NUP42: variants seen among roughly 807,000 people sequenced by gnomAD.
NUP42 encodes nucleoporin 42.
Under a neutral mutation model 35.9 loss-of-function variants are expected in NUP42, and 47 were observed. The observed-to-expected ratio is 1.31, with a 90% CI of 1.04 to 1.67. NUP42 has a LOEUF of 1.67. NUP42 is among the 40% of genes most tolerant of loss of function. NUP42 has a pLI of 0.00. For synonymous variants in NUP42, 173 were observed against 173.3 expected, an observed-to-expected ratio of 1.00 and a Z score of 0.01; for missense variants, 514 against 492.2, an observed-to-expected ratio of 1.04 and a Z score of -0.42.
At chr7:23,193,129 A>G (rs1427646345) in intron 3 of NUP42, among the ~76,000 whole-genome samples, 1 of 152,112 alleles carries the variant, frequency 6.6e-6, no homozygotes, top group Non-Finnish European at 1.5e-5. Context: ...CGCTGGCTTC[A>G]GGAGTGAGGC....
At chr7:23,197,360 T>TGAG in intron 5 of NUP42, 6 of 466,606 alleles carry the variant, frequency 1.3e-5, no homozygotes, top group Non-Finnish European at 2.3e-5. Flanking sequence ...AGATGGTTTC[T>TGAG]ACTCTGTATA....
intron 3 of NUP42, chr7:23,188,068 C>T (rs888146102): frequency 1.2e-5 from 18 of 1,444,676 alleles, no homozygotes; most frequent in Admixed American, 7.9e-5. Flanking sequence ...CCTAGACCAC[C>T]GGGCTTTCCC....
chr7:23,182,967 G>A (rs1189419966), intron 1 of NUP42, among the ~76,000 whole-genome samples: 1 of 151,712 alleles, frequency 6.6e-6, no homozygotes, highest in Admixed American at 6.6e-5. Context: ...AACCTATAGA[G>A]CCATACCGCA....
chr7:23,188,412 T>C lies in NUP42; in HGVS notation c.445+1266T>C, dbSNP rs1044165621. On this transcript the variant is annotated intron_variant, in intron 3 of 6. Coordinates refer to ENST00000258742, the MANE Select transcript of NUP42 (RefSeq NM_007342.3). ...ACTAAGATAATTTCAGATAATGATATTTTCTATAAAGAAACCACAAAGTAT... is the reference window on the plus strand; with the variant it reads ...ACTAAGATAATTTCAGATAATGATACTTTCTATAAAGAAACCACAAAGTAT... 14 of 984,846 alleles carry C rather than the reference T, an allele frequency of 1.4e-5. No individual in the cohort carries two copies. The Admixed American group carries it at 6.1e-4, about 43-fold the overall frequency. 61.0% of individuals were successfully genotyped at this position (984,846 alleles called of 1,614,324 possible).
chr7:23,182,579 G>C, intron 1 of NUP42: 1 of 890,830 alleles, frequency 1.1e-6, no homozygotes, highest in Non-Finnish European at 1.4e-6. Context: ...CTTCATTTTG[G>C]AGAAGTCGTG....
Position 23,200,878 on chromosome 7 carries a change from AT to A in NUP42, c.*140del. ...TCCATCAATAGTGATTTTAAATTTG[AT>A]TTTTTTCTTAACTCTAAATATTTAA... On this transcript the variant is annotated 3_prime_UTR_variant, in exon 7 of 7. Coordinates refer to ENST00000258742, the MANE Select transcript of NUP42 (RefSeq NM_007342.3). The A allele has an allele frequency of 1.2e-5, 6 of 494,858 alleles. No individual in the cohort carries two copies. Among genetic ancestry groups the A allele is most frequent in the Non-Finnish European group, 1.6e-5 (5 of 313,220 alleles). 30.7% of individuals were successfully genotyped at this position (494,858 alleles called of 1,614,324 possible). A position where few individuals can be genotyped will look rare whatever the true frequency, so the allele number is the denominator to read the frequency against.
intron 3 of NUP42, among the ~76,000 whole-genome samples, chr7:23,191,794 TG>T (rs1785801798): frequency 5.3e-5 from 8 of 151,940 alleles, no homozygotes; most frequent in Admixed American, 5.2e-4. Flanking sequence ...GAGACCAACC[TG>T]GGCAACTTGG....
intron 3 of NUP42, among the ~76,000 whole-genome samples, chr7:23,193,607 C>T (rs934027035): frequency 6.6e-6 from 1 of 152,200 alleles, no homozygotes; most frequent in African/African-American, 2.4e-5. Context: ...ATTTACAATC[C>T]CCTAGCTAGA....
intron 3 of NUP42, among the ~76,000 whole-genome samples, chr7:23,189,380 T>G (rs1785711603): frequency 2.0e-5 from 3 of 152,144 alleles, no homozygotes; most frequent in Admixed American, 2.0e-4. Flanking sequence ...TTTGGGAGGC[T>G]GCGGTGGGAG....
chr7:23,193,513 G>A (rs774382749), intron 3 of NUP42, among the ~76,000 whole-genome samples: 1 of 152,062 alleles, frequency 6.6e-6, no homozygotes, highest in Non-Finnish European at 1.5e-5. Context: ...GTTGATTGGT[G>A]TATTTACAAA....
chr7:23,188,010 T>TA lies in NUP42; in HGVS notation c.445+864_445+865insA, dbSNP rs1226437077. 16 of 1,051,124 alleles carry TA rather than the reference T, an allele frequency of 1.5e-5. No homozygotes were observed. The African/African-American group carries it at 2.6e-4, about 17-fold the overall frequency. 65.1% of individuals were successfully genotyped at this position (1,051,124 alleles called of 1,614,324 possible). A position where few individuals can be genotyped will look rare whatever the true frequency, so the allele number is the denominator to read the frequency against. ...TCTCTCTCTTTTTTTATTTTTTATT[T>TA]TTATTTTTTTTTTTGTCCATAGTCC... On this transcript the variant is annotated intron_variant, in intron 3 of 6. Coordinates refer to ENST00000258742, the MANE Select transcript of NUP42 (RefSeq NM_007342.3).
At chr7:23,197,817 C>CT (rs1201154855) in intron 5 of NUP42, among the ~76,000 whole-genome samples, 1 of 151,422 alleles carries the variant, frequency 6.6e-6, no homozygotes, top group African/African-American at 2.4e-5. Context: ...GAATATTACA[C>CT]TGAGGGAGAG....
Position 23,200,647 on chromosome 7 carries a change from A to T in NUP42, c.1174A>T (p.Lys392Ter), listed in dbSNP as rs935634918. 10 of 1,613,750 alleles carry T rather than the reference A, an allele frequency of 6.2e-6. No homozygotes were observed. In the Admixed American group the frequency reaches 1.7e-4, roughly 27 times the overall value. Residue 392 changes from lysine (K) to a stop codon, truncating the protein, a stop_gained, in exon 7 of 7, where the codon AAA becomes TAA. Transcript: ENST00000258742. LOFTEE classifies it high-confidence loss of function. ...TDNVLFTPRD[K>*]LTVEELEQFQ... ...TAATGTGTTATTCACACCCAGAGAT[A>T]AACTAACAGTAGAAGAACTGGAACA...
chr7:23,185,306 A>G lies in NUP42; in HGVS notation c.350+8A>G. On this transcript the variant is annotated splice_region_variant and intron_variant, in intron 2 of 6. Coordinates refer to ENST00000258742, the MANE Select transcript of NUP42 (RefSeq NM_007342.3). ...AGATGAAAAGAAACTTCTGTAAGTG[A>G]AAGTTTTCAGGAAAATTACTATCCA... 6.3e-7 allele frequency: 1 copy of G among 1,587,590 alleles called. No homozygotes were observed. Among genetic ancestry groups the G allele is most frequent in the East Asian group, 2.2e-5 (1 of 44,600 alleles).
chr7:23,182,055 G>A lies in NUP42; in HGVS notation c.-31G>A. 1.2e-6 allele frequency: 2 copies of A among 1,611,966 alleles called. No homozygotes were observed. The highest frequency in any genetic ancestry group is 1.3e-5 in the African/African-American group (1 of 75,054). On this transcript the variant is annotated 5_prime_UTR_variant, in exon 1 of 7. Coordinates refer to ENST00000258742, the MANE Select transcript of NUP42 (RefSeq NM_007342.3). ...TAACAGGCATCGAACGGTGCAGACT[G>A]AAGACGCCCTCCGTCAGCGACGCCG... is the stretch of plus-strand genomic sequence containing the variant.
chr7:23,185,940 A>G (rs1392435866), intron 2 of NUP42, among the ~76,000 whole-genome samples: 1 of 151,812 alleles, frequency 6.6e-6, no homozygotes, highest in Non-Finnish European at 1.5e-5. Flanking sequence ...GGGTTTTACC[A>G]TGTTGGCCAG....
At chr7:23,188,047 C>A in intron 3 of NUP42, 1 of 1,413,114 alleles carries the variant, frequency 7.1e-7, no homozygotes, top group Non-Finnish European at 9.3e-7. Flanking sequence ...TAAGCCCTTT[C>A]TGGGCTGAAA....
chr7:23,200,887 T>G lies in NUP42; in HGVS notation c.*142T>G, dbSNP rs1786204333. The G allele has an allele frequency of 2.1e-6, 1 of 473,954 alleles. No individual in the cohort carries two copies. The highest frequency in any genetic ancestry group is 3.4e-6 in the Non-Finnish European group (1 of 294,908). The allele number at this position is 473,954 out of a possible 1,614,324, so 29.4% of individuals were successfully genotyped here. ...AGTGATTTTAAATTTGATTTTTTTC[T>G]TAACTCTAAATATTTAAGTAAAAAG... On this transcript the variant is annotated 3_prime_UTR_variant, in exon 7 of 7. Coordinates refer to ENST00000258742, the MANE Select transcript of NUP42 (RefSeq NM_007342.3).
chr7:23,191,537 A>G (rs1422508955), intron 3 of NUP42, among the ~76,000 whole-genome samples: 1 of 152,194 alleles, frequency 6.6e-6, no homozygotes, highest in Non-Finnish European at 1.5e-5. Flanking sequence ...GGGGAAGACA[A>G]GTCATTAGAA....
Sources: allele counts gnomAD v4.1 joint callset (sites outside exome capture counted in the v4.1 genomes callset), GRCh38; gene constraint gnomAD v4.1.1; transcripts MANE v1.5; gene names NCBI Gene and HGNC (gene_info 2026-07-23, HGNC 2026-07-21).